The following DDX41 variants were observed in gnomAD, a reference collection of about 807,000 sequenced individuals.
The protein encoded by DDX41 is DEAD-box helicase 41.
A neutral mutation model predicts 78.8 loss-of-function variants in DDX41; 50 were observed. That is an observed-to-expected ratio of 0.63 (90% confidence interval 0.51 to 0.80). DDX41 has a LOEUF of 0.80. Among genes scored for constraint, DDX41 ranks in the 30% least tolerant of loss-of-function variants. The pLI is 0.00. For synonymous variants in DDX41, 381 were observed against 321.5 expected (o/e 1.19, Z -1.98); for missense variants, 633 against 849.2 (o/e 0.75, Z 3.16).
chr5:177,514,682 A>G lies in DDX41; in HGVS notation c.935+19T>C, dbSNP rs1245663555. ...CTCGCAGGTGGCAGAGGTGGGGGGC[A>G]GGGAGCGCCAGCACTCACTGTCGGA... On this transcript the variant is annotated intron_variant, in intron 9 of 16. Coordinates refer to ENST00000330503, the MANE Select transcript of DDX41 (RefSeq NM_016222.4). The surrounding 1 kb of genome is among the most constrained non-coding windows in gnomAD (Gnocchi z 4.2). 2 of 1,601,372 alleles carry G rather than the reference A, an allele frequency of 1.2e-6. No homozygotes were observed. Among genetic ancestry groups the G allele is most frequent in the East Asian group, 4.5e-5 (2 of 44,666 alleles).
chr5:177,513,957 T>C lies in DDX41; in HGVS notation c.936-110A>G, dbSNP rs1761104214. On this transcript the variant is annotated intron_variant, in intron 9 of 16. Coordinates refer to ENST00000330503, the MANE Select transcript of DDX41 (RefSeq NM_016222.4). The surrounding 1 kb of genome is among the most constrained non-coding windows in gnomAD (Gnocchi z 4.6). The stretch of plus-strand genomic sequence containing the variant: ...CTCTCTGTCCTCCTTCCTATTTCTT[T>C]GTCTGTCCCCTTCTCATCATTCCCA... 8.8e-7 allele frequency: 1 copy of C among 1,132,526 alleles called. No homozygotes were observed. Among genetic ancestry groups the C allele is most frequent in the African/African-American group, 1.5e-5 (1 of 65,336 alleles). The allele number at this position is 1,132,526 out of a possible 1,614,324, so 70.2% of individuals were successfully genotyped here.
chr5:177,513,165 G>C lies in DDX41; in HGVS notation c.1231-83C>G, dbSNP rs1027978024. On this transcript the variant is annotated intron_variant, in intron 11 of 16. Coordinates refer to ENST00000330503, the MANE Select transcript of DDX41 (RefSeq NM_016222.4). The surrounding 1 kb of genome is among the most constrained non-coding windows in gnomAD (Gnocchi z 4.6). ...CTGCCATGGCCCGTCATCTGGACCA[G>C]GAGGTGACCAGAAGCCTCTGGCCGC... 1 of 1,539,324 alleles carries C rather than the reference G, an allele frequency of 6.5e-7. No individual in the cohort carries two copies.
Position 177,516,760 on chromosome 5 carries a change from G to A in DDX41, c.103C>T (p.Pro35Ser). The change falls in exon 2 of 17, where the codon CCC (proline) becomes TCC (serine). Residue 35 changes from proline to serine, a missense_variant. Physicochemically the swap from Pro to Ser is moderately conservative, Grantham distance 74. Transcript: ENST00000330503. ...AEDEDDEDYV[P>S]YVPLRQRRQL... ...CGGCGCTGCCGTAACGGCACATAGG[G>A]CACGTAGTCCTCGTCGTCCTCATCT... is the stretch of plus-strand genomic sequence containing the variant. 1 of 1,611,444 alleles carries A rather than the reference G, an allele frequency of 6.2e-7. No homozygotes were observed. The highest frequency in any genetic ancestry group is 8.5e-7 in the Non-Finnish European group (1 of 1,179,296).
Position 177,514,619 on chromosome 5 carries a change from AGTG to A in DDX41, c.935+79_935+81del. 3 of 1,517,284 alleles carry A rather than the reference AGTG, an allele frequency of 2.0e-6. No homozygotes were observed. The allele number at this position is 1,517,284 out of a possible 1,614,324, so 94.0% of individuals were successfully genotyped here. A position where few individuals can be genotyped will look rare whatever the true frequency, so the allele number is the denominator to read the frequency against. ...AGCAGCCCTCTGTGAAGATCTGTGG[AGTG>A]GCTAAGGTAAAGGGTCCTTTAGCTT... On this transcript the variant is annotated intron_variant, in intron 9 of 16. Transcript: ENST00000330503. The surrounding 1 kb of genome is among the most constrained non-coding windows in gnomAD (Gnocchi z 4.2).
At position 177,514,429 on chromosome 5, in the gene DDX41, T is replaced by C. The variant is rs1468387256; in HGVS notation, c.935+272A>G. 7 of 554,162 alleles carry C rather than the reference T, an allele frequency of 1.3e-5. No homozygotes were observed. Among genetic ancestry groups the C allele is most frequent in the Middle Eastern group, 4.8e-4 (1 of 2,090 alleles). 34.3% of individuals were successfully genotyped at this position (554,162 alleles called of 1,614,324 possible). A position where few individuals can be genotyped will look rare whatever the true frequency, so the allele number is the denominator to read the frequency against. Reference sequence around the variant, plus strand: ...GGACTGCCCCTCTTCCCAATTCAAATGTCACCTTCCCGGAAAAGCCTTCTC... The same window carrying C: ...GGACTGCCCCTCTTCCCAATTCAAACGTCACCTTCCCGGAAAAGCCTTCTC... On this transcript the variant is annotated intron_variant, in intron 9 of 16. Coordinates refer to ENST00000330503, the MANE Select transcript of DDX41 (RefSeq NM_016222.4). This position sits in a 1 kb window ranked among gnomAD's most constrained non-coding sequence, Gnocchi z 4.2.
Position 177,513,571 on chromosome 5 carries a change from G to T in DDX41, c.1099-87C>A. 6.2e-7 allele frequency: 1 copy of T among 1,607,300 alleles called. No individual in the cohort carries two copies. On this transcript the variant is annotated intron_variant, in intron 10 of 16. Coordinates refer to ENST00000330503, the MANE Select transcript of DDX41 (RefSeq NM_016222.4). This position sits in a 1 kb window ranked among gnomAD's most constrained non-coding sequence, Gnocchi z 4.6. The stretch of plus-strand genomic sequence containing the variant: ...GGGGAAGCTGAGCAACTGAGACACA[G>T]CCCACAAAGTATGAGCAGTGGGTTG...
Position 177,514,651 on chromosome 5 carries a change from C to T in DDX41, c.935+50G>A. On this transcript the variant is annotated intron_variant, in intron 9 of 16. Transcript: ENST00000330503. This position sits in a 1 kb window ranked among gnomAD's most constrained non-coding sequence, Gnocchi z 4.2. Reference sequence around the variant, plus strand: ...AAGGTAAAGGGTCCTTTAGCTTTTCCACAGACTCGCAGGTGGCAGAGGTGG... The same window carrying T: ...AAGGTAAAGGGTCCTTTAGCTTTTCTACAGACTCGCAGGTGGCAGAGGTGG... 6.3e-7 allele frequency: 1 copy of T among 1,576,570 alleles called. No individual in the cohort carries two copies.
chr5:177,515,448 G>A, intron 6 of DDX41, 190 bp from the exon 7 acceptor site: 1 of 866,160 alleles, frequency 1.2e-6, no homozygotes, highest in Non-Finnish European at 1.9e-6. Flanking sequence ...GTGCAGCCAG[G>A]ATTTGTACCC....
chr5:177,512,287 G>C (rs1436998178), intron 15 of DDX41, 35 bp downstream of exon 15: 11 of 1,613,862 alleles, frequency 6.8e-6, no homozygotes, highest in Non-Finnish European at 9.3e-6. Context: ...AGGGGACCCA[G>C]GGAACAGCTA....
At position 177,513,405 on chromosome 5, in the gene DDX41, G is replaced by A. The variant is rs1455997810; in HGVS notation, c.1178C>T (p.Pro393Leu). 1.2e-6 allele frequency: 2 copies of A among 1,614,184 alleles called. No individual in the cohort carries two copies. Among genetic ancestry groups the A allele is most frequent in the African/African-American group, 1.3e-5 (1 of 75,056 alleles). ...AGCGCGCCCCACATTGATGGTCACA[G>A]GCTTTACAAGGGCACTCTTAGCAAA... ...QNFAKSALVK[P>L]VTINVGRAGA... Residue 393 changes from proline (P) to leucine (L), a missense_variant, in exon 11 of 17, where the codon CCT becomes CTT. Coordinates refer to ENST00000330503, the MANE Select transcript of DDX41 (RefSeq NM_016222.4). The surrounding 1 kb of genome is among the most constrained non-coding windows in gnomAD (Gnocchi z 4.6).
chr5:177,512,362 TC>T lies in DDX41; in HGVS notation c.1580del (p.Gly527GlufsTer19). 1.2e-6 allele frequency: 2 copies of T among 1,614,024 alleles called. No homozygotes were observed. ...VHRIGRTGRSGNTGIATTFIN... is the reference protein window; with the variant it reads ...VHRIGRTGRSXNTGIATTFIN... ...TGAAGGTAGTGGCGATGCCTGTGTT[TC>T]CCGAGCGCCCGGTGCGGCCAATCCG... On this transcript the variant is annotated frameshift_variant, in exon 15 of 17. Coordinates refer to ENST00000330503, the MANE Select transcript of DDX41 (RefSeq NM_016222.4). LOFTEE classifies it high-confidence loss of function.
rs747673234 is a variant in DDX41 at position 177,512,635 on chromosome 5, T to C, written c.1410A>G (p.Glu470=). ...GGAATGCCTCGATGGCCTTAGTCCG[T>C]TCCTCCTGGTCTGGGGAGGGTCAGG... ...VAIHGGKDQE[E]RTKAIEAFRE... Residue 470 remains glutamate, a synonymous_variant, in exon 14 of 17, where the codon GAA becomes GAG. Transcript: ENST00000330503. 6.2e-7 allele frequency: 1 copy of C among 1,614,042 alleles called. No homozygotes were observed. Among genetic ancestry groups the C allele is most frequent in the Non-Finnish European group, 8.5e-7 (1 of 1,180,008 alleles).
chr5:177,515,807 C>T lies in DDX41; in HGVS notation c.449G>A (p.Arg150His), dbSNP rs763624515. The stretch of plus-strand genomic sequence containing the variant: ...CTCTTCAGACATGCTCAGAACATAA[C>T]GGGGTGGAGTCCAGCTGTGGATGGG... ...DPIKTSWTPP[R>H]YVLSMSEERH... The change falls in exon 6 of 17, where the codon CGT becomes CAT. Residue 150 changes from arginine (R) to histidine (H), a missense_variant. Physicochemically the swap from Arg to His is conservative, Grantham distance 29 (BLOSUM62 0). Transcript: ENST00000330503. 3.1e-6 allele frequency: 5 copies of T among 1,614,000 alleles called. No individual in the cohort carries two copies. The African/African-American group carries it at 5.3e-5, about 17-fold the overall frequency.
In DDX41 at chr5:177,515,191, G is replaced by A. The variant is rs962423100; in HGVS notation, c.639C>T (p.Pro213=). 2.5e-6 allele frequency: 4 copies of A among 1,613,862 alleles called. No individual in the cohort carries two copies. The highest frequency in any genetic ancestry group is 2.2e-5 in the East Asian group (1 of 44,890). ...HPTPIQIQGI[P]TILSGRDMIG... ...GGTCCACAGTCCACACTCACATGGT[G>A]GGGATGCCCTGGATCTGAATGGGTG... The change falls in exon 7 of 17, where the codon CCC becomes CCT. Residue 213 remains proline (P), a synonymous_variant. Coordinates refer to ENST00000330503, the MANE Select transcript of DDX41 (RefSeq NM_016222.4).
chr5:177,516,422 C>A lies in DDX41; in HGVS notation c.164G>T (p.Arg55Leu), dbSNP rs1479333618. Residue 55 changes from arginine to leucine, a missense_variant, in exon 3 of 17, where the codon CGC becomes CTC. Around this residue, in one of 6 missense-constraint regions of DDX41, gnomAD observed 140 missense variants for 115.2 expected, o/e 1.22. Coordinates refer to ENST00000330503, the MANE Select transcript of DDX41 (RefSeq NM_016222.4). ...CTGCTCTTCCTCCGCAGCTCCCTTG[C>A]GTCTTCGCTGCAGCAGCTTCTGGAG... Reference protein sequence around the residue: ...LLLQKLLQRRRKGAAEEEQQD... With the variant: ...LLLQKLLQRRLKGAAEEEQQD... 6.2e-6 allele frequency: 10 copies of A among 1,613,784 alleles called. No homozygotes were observed. The highest frequency in any genetic ancestry group is 1.7e-5 in the Admixed American group (1 of 60,022).
Position 177,516,800 on chromosome 5 carries a change from G to A in DDX41, c.63C>T (p.Ser21=). Residue 21 remains serine, a synonymous_variant, in exon 2 of 17, where the codon AGC becomes AGT. Coordinates refer to ENST00000330503, the MANE Select transcript of DDX41 (RefSeq NM_016222.4). The stretch of plus-strand genomic sequence containing the variant: ...CGTCCTCATCTTCCGCCTCGGAGCG[G>A]CTTCCTCCGGCAGGCACCTCGTCGG... ...ARTDEVPAGG[S]RSEAEDEDDE... is the part of the protein sequence containing the mutation. The A allele has an allele frequency of 6.2e-7, 1 of 1,612,408 alleles. No individual in the cohort carries two copies. The highest frequency in any genetic ancestry group is 1.3e-5 in the African/African-American group (1 of 75,050).
chr5:177,514,055 C>A lies in DDX41; in HGVS notation c.936-208G>T, dbSNP rs1027029180. ...CCATCTTCACCACCGCTCGGCCTGG[C>A]GCGCCTTCCCCCTTCTCCTGGGTCA... On this transcript the variant is annotated intron_variant, in intron 9 of 16. Coordinates refer to ENST00000330503, the MANE Select transcript of DDX41 (RefSeq NM_016222.4). This position sits in a 1 kb window ranked among gnomAD's most constrained non-coding sequence, Gnocchi z 4.2. 1.4e-6 allele frequency: 1 copy of A among 693,396 alleles called. No homozygotes were observed. Among genetic ancestry groups the A allele is most frequent in the Admixed American group, 2.1e-5 (1 of 48,722 alleles). 43.0% of individuals were successfully genotyped at this position (693,396 alleles called of 1,614,324 possible). A position where few individuals can be genotyped will look rare whatever the true frequency, so the allele number is the denominator to read the frequency against.
rs370783209 is a variant in DDX41, at chr5:177,514,660, G to A, written c.935+41C>T. The stretch of plus-strand genomic sequence containing the variant: ...GGTCCTTTAGCTTTTCCACAGACTC[G>A]CAGGTGGCAGAGGTGGGGGGCAGGG... On this transcript the variant is annotated intron_variant, in intron 9 of 16. Coordinates refer to ENST00000330503, the MANE Select transcript of DDX41 (RefSeq NM_016222.4). The surrounding 1 kb of genome is among the most constrained non-coding windows in gnomAD (Gnocchi z 4.2). The A allele has an allele frequency of 1.1e-5, 18 of 1,587,270 alleles. No homozygotes were observed. The highest frequency in any genetic ancestry group is 5.4e-5 in the African/African-American group (4 of 74,406).
rs771535420 is a variant in DDX41, at chr5:177,511,810, T to C, written c.1850A>G (p.His617Arg). Reference sequence around the variant, plus strand: ...GTCGGCTCAGAAGTCCATGGAGCTGTGGGCCAGGTAGTCCTTGCGACCGAT... The same window carrying C: ...GTCGGCTCAGAAGTCCATGGAGCTGCGGGCCAGGTAGTCCTTGCGACCGAT... Reference protein sequence around the residue: ...SNIGRKDYLAHSSMDF With the variant: ...SNIGRKDYLARSSMDF The change falls in exon 17 of 17, where the codon CAC becomes CGC. Residue 617 changes from histidine to arginine, a missense_variant. This residue lies in a region of DDX41 where 185 missense variants were observed against 367.4 expected (regional missense o/e 0.50). Transcript: ENST00000330503. 5.0e-6 allele frequency: 8 copies of C among 1,614,036 alleles called. No individual in the cohort carries two copies. In the African/African-American group the frequency reaches 1.1e-4, roughly 22 times the overall value.
Sources: allele counts gnomAD v4.1 joint callset, GRCh38; gene constraint gnomAD v4.1.1; regional missense constraint gnomAD v4.1.1; non-coding constraint Gnocchi (gnomAD v3.1); transcripts MANE v1.5; gene names NCBI Gene and HGNC (gene_info 2026-07-23, HGNC 2026-07-21).